HRH1: variants seen among roughly 807,000 people sequenced by gnomAD.
HRH1 encodes the protein histamine receptor H1.
In HRH1, 6 loss-of-function variants were observed where a neutral mutation model predicts 10.3. That is an observed-to-expected ratio of 0.58 (90% confidence interval 0.32 to 1.15). HRH1 has a LOEUF of 1.15. Among genes scored for constraint, HRH1 ranks in the 50% most tolerant of loss-of-function variants. The pLI is 0.05. For missense variants in HRH1, 514 were observed against 615.3 expected (o/e 0.84, Z 1.74); for synonymous variants, 242 against 236.7 (o/e 1.02, Z -0.21).
chr3:11,183,862 T>C (rs2125018277), intron 1 of HRH1, among the ~76,000 whole-genome samples: 1 of 148,862 alleles, frequency 6.7e-6, no homozygotes, highest in Non-Finnish European at 1.5e-5. Flanking sequence ...TTGCTTTTTT[T>C]TTTTTTTTTT....
At chr3:11,241,075 G>C (rs1939324223) in intron 1 of HRH1, among the ~76,000 whole-genome samples, 1 of 151,992 alleles carries the variant, frequency 6.6e-6, no homozygotes, top group Non-Finnish European at 1.5e-5. Context: ...TCTATATTTT[G>C]TTTTTTTCAA....
At chr3:11,210,371 G>A (rs908102574) in intron 1 of HRH1, among the ~76,000 whole-genome samples, 1 of 152,088 alleles carries the variant, frequency 6.6e-6, no homozygotes, top group Non-Finnish European at 1.5e-5. Flanking sequence ...TCCAGCCTGG[G>A]TGACAAAACG....
intron 1 of HRH1, among the ~76,000 whole-genome samples, chr3:11,158,969 C>G (rs1451223691): frequency 6.6e-6 from 1 of 152,148 alleles, no homozygotes; most frequent in Non-Finnish European, 1.5e-5. Context: ...GAAGAATGGC[C>G]GGGCACAGTG....
At chr3:11,225,524 G>A (rs375559818) in intron 1 of HRH1, among the ~76,000 whole-genome samples, 5 of 152,160 alleles carry the variant, frequency 3.3e-5, no homozygotes, top group African/African-American at 1.2e-4. Flanking sequence ...ACTCAGTGAC[G>A]GGAACATATT....
intron 1 of HRH1, among the ~76,000 whole-genome samples, chr3:11,196,981 T>C (rs1351356486): frequency 2.8e-5 from 4 of 141,584 alleles, no homozygotes; most frequent in Non-Finnish European, 6.1e-5. Flanking sequence ...AAAAATTAGC[T>C]GGGCATGGTG....
At chr3:11,258,367 C>T (rs1278174799) in intron 1 of HRH1, among the ~76,000 whole-genome samples, 1 of 152,124 alleles carries the variant, frequency 6.6e-6, no homozygotes, top group Non-Finnish European at 1.5e-5. Context: ...ACAGCAAGGC[C>T]CTAGGCTGGC....
At chr3:11,179,582 T>A (rs1937313233) in intron 1 of HRH1, among the ~76,000 whole-genome samples, 1 of 149,438 alleles carries the variant, frequency 6.7e-6, no homozygotes, top group Admixed American at 6.7e-5. Flanking sequence ...ATTACGCCAC[T>A]GCACTCCAGC....
intron 1 of HRH1, among the ~76,000 whole-genome samples, chr3:11,210,302 G>C (rs1938282455): frequency 6.6e-6 from 1 of 152,172 alleles, no homozygotes; most frequent in Admixed American, 6.5e-5. Flanking sequence ...GCTGAGATGG[G>C]AGAGTTGCTT....
intron 1 of HRH1, among the ~76,000 whole-genome samples, chr3:11,201,682 G>A (rs1319450240): frequency 6.6e-6 from 1 of 152,150 alleles, no homozygotes; most frequent in Non-Finnish European, 1.5e-5. Flanking sequence ...GAAAATTCCA[G>A]GTGTCACCAG....
intron 1 of HRH1, among the ~76,000 whole-genome samples, chr3:11,229,179 A>G (rs1938978439): frequency 2.0e-5 from 3 of 151,966 alleles, no homozygotes; most frequent in African/African-American, 4.8e-5. Context: ...CTTCTCACCT[A>G]CTTTGTTTCA....
chr3:11,236,273 G>A (rs534315404), intron 1 of HRH1, among the ~76,000 whole-genome samples: 3 of 152,294 alleles, frequency 2.0e-5, no homozygotes, highest in East Asian at 1.9e-4. Flanking sequence ...TACTAAATAC[G>A]TAAAAATTAG....
At chr3:11,145,650 A>G (rs1348933239) in intron 1 of HRH1, among the ~76,000 whole-genome samples, 1 of 152,168 alleles carries the variant, frequency 6.6e-6, no homozygotes, top group South Asian at 2.1e-4. Context: ...TGTAAAGTTC[A>G]ATGAATTTTT....
upstream of HRH1, among the ~76,000 whole-genome samples, chr3:11,153,624 G>A (rs1372481161): frequency 2.0e-5 from 3 of 152,064 alleles, no homozygotes; most frequent in Admixed American, 2.0e-4. Flanking sequence ...TTCAAATGGA[G>A]TTTTCCCGGC....
Position 11,161,463 on chromosome 3 carries a change from C to A in HRH1, c.-36+6909C>A, listed in dbSNP as rs552515393. Among the ~76,000 whole-genome samples, 32 of 152,322 alleles carry A rather than the reference C, an allele frequency of 2.1e-4. 1 individual carries two copies. The highest frequency in any genetic ancestry group is 7.0e-4 in the African/African-American group (29 of 41,578). ...AGGTGAGGCACAATTCCACCACCAG[C>A]CCACACCTGTGGTCTGGAGAGTCTG... On this transcript the variant is annotated intron_variant, in intron 1 of 1. Transcript: ENST00000431010.
At chr3:11,161,193 G>C (rs1936915614) in intron 1 of HRH1, among the ~76,000 whole-genome samples, 4 of 152,214 alleles carry the variant, frequency 2.6e-5, no homozygotes, top group Admixed American at 2.6e-4. Context: ...GAGCACAGGA[G>C]GAGGACCGGA....
upstream of HRH1, among the ~76,000 whole-genome samples, chr3:11,152,331 A>G (rs1936652114): frequency 6.6e-6 from 1 of 152,084 alleles, no homozygotes; most frequent in Non-Finnish European, 1.5e-5. Context: ...CCAACCCCTC[A>G]TACAGCCTGG....
intron 1 of HRH1, among the ~76,000 whole-genome samples, chr3:11,246,222 C>T (rs527756161): frequency 1.3e-5 from 2 of 152,318 alleles, no homozygotes; most frequent in East Asian, 3.9e-4. Context: ...TAGGCTGCTA[C>T]TCTGAGGACA....
At chr3:11,206,344 C>T (rs146726215) in intron 1 of HRH1, among the ~76,000 whole-genome samples, 3,428 of 152,284 alleles carry the variant, frequency 0.023, 54 homozygotes, top group African/African-American at 0.036. Flanking sequence ...TCTGGAACTC[C>T]TGACCTCAGG....
Position 11,260,691 on chromosome 3 carries a change from A to C in HRH1, c.*190A>C, listed in dbSNP as rs200067259. On this transcript the variant is annotated 3_prime_UTR_variant, in exon 2 of 2. Coordinates refer to ENST00000431010, the MANE Select transcript of HRH1 (RefSeq NM_001098212.2). ...CAGCAGATGGCGGTGATCAGCAGAG[A>C]GATTGAACTTTGAGGAGGAAGCAGA... is the stretch of plus-strand genomic sequence containing the variant. 114 of 548,114 alleles carry C rather than the reference A, an allele frequency of 2.1e-4. 2 individuals carry two copies. In the Middle Eastern group the frequency reaches 8.9e-3, roughly 43 times the overall value. 34.0% of individuals were successfully genotyped at this position (548,114 alleles called of 1,614,324 possible).
Sources: gnomAD v4.1 joint callset for allele counts (sites outside exome capture counted in the v4.1 genomes callset) on GRCh38, gnomAD v4.1.1 for gene constraint, MANE v1.5 for transcripts, NCBI Gene and HGNC (gene_info 2026-07-23, HGNC 2026-07-21) for gene names.